Variants in FSIP2 observed in about 807,000 individuals in gnomAD.
FSIP2 encodes fibrous sheath-interacting protein 2.
In FSIP2, 367 loss-of-function variants were observed where a neutral mutation model predicts 510.5. The observed-to-expected ratio is 0.72, with a 90% confidence interval of 0.66 to 0.78. The LOEUF is 0.78. Ranked by LOEUF, FSIP2 falls within the 30% of genes least tolerant of loss-of-function variation. The pLI, the probability that FSIP2 is intolerant of heterozygous loss-of-function variation, is 0.00. For missense variants in FSIP2, 7,594 were observed against 7,901.7 expected (o/e 0.96, Z 1.48); for synonymous variants, 2,601 against 2,732.2 (o/e 0.95, Z 1.50).
At chr2:185,784,527 G>GAAGT (rs1559023094) in intron 14 of FSIP2, among the ~76,000 whole-genome samples, 1 of 152,182 alleles carries the variant, frequency 6.6e-6, no homozygotes, top group Non-Finnish European at 1.5e-5. Context: ...GGATTAGAGA[G>GAAGT]AAGTAGTCAC....
intron 13 of FSIP2, among the ~76,000 whole-genome samples, chr2:185,781,418 T>G (rs1692846595): frequency 6.6e-6 from 1 of 152,222 alleles, no homozygotes; most frequent in Admixed American, 6.5e-5. Context: ...CATTTCCAAC[T>G]TAACATATTT....
intron 17 of FSIP2, among the ~76,000 whole-genome samples, chr2:185,811,542 GTTT>G (rs1274867293): frequency 6.6e-6 from 1 of 150,856 alleles, no homozygotes; most frequent in Non-Finnish European, 1.5e-5. Context: ...TTGTTTGTTT[GTTT>G]TTTGAGAGAA....
intron 19 of FSIP2, among the ~76,000 whole-genome samples, chr2:185,818,819 A>C (rs1054953522): frequency 6.6e-6 from 1 of 152,078 alleles, no homozygotes; most frequent in African/African-American, 2.4e-5. Context: ...AGAAATGCTA[A>C]AGAAAGTTCT....
chr2:185,737,863 G>A (rs1691817200), upstream of FSIP2, among the ~76,000 whole-genome samples: 1 of 152,148 alleles, frequency 6.6e-6, no homozygotes, highest in Admixed American at 6.5e-5. Flanking sequence ...CACTGATTAA[G>A]AAAACAGCCT....
chr2:185,830,436 C>T (rs1694086232), intron 21 of FSIP2, among the ~76,000 whole-genome samples: 1 of 151,814 alleles, frequency 6.6e-6, no homozygotes, highest in Admixed American at 6.6e-5. Flanking sequence ...ACTGTCATCC[C>T]CTGATAGCTG....
At chr2:185,815,524 T>A in intron 19 of FSIP2, 53 bp downstream of exon 19, 1 of 855,002 alleles carries the variant, frequency 1.2e-6, no homozygotes, top group Non-Finnish European at 1.8e-6. Flanking sequence ...GTAGAGCTTA[T>A]GAGTAGAATG....
chr2:185,786,289 G>T lies in FSIP2; in HGVS notation c.1506+1G>T. On this transcript the variant is annotated splice_donor_variant, in intron 15 of 22. Coordinates refer to ENST00000424728, the MANE Select transcript of FSIP2 (RefSeq NM_173651.4). LOFTEE classifies it high-confidence loss of function. ...GCTGCAAAATTGCTTGCAAGAAAAA[G>T]TATGTATCATAAAATCCACCGAGAA... 1 of 1,512,410 alleles carries T rather than the reference G, an allele frequency of 6.6e-7. No homozygotes were observed. Among genetic ancestry groups the T allele is most frequent in the Non-Finnish European group, 8.8e-7 (1 of 1,131,112 alleles). 93.7% of individuals were successfully genotyped at this position (1,512,410 alleles called of 1,614,324 possible).
intron 7 of FSIP2, among the ~76,000 whole-genome samples, chr2:185,750,197 T>C (rs1439368912): frequency 6.6e-6 from 1 of 151,694 alleles, no homozygotes; most frequent in Admixed American, 6.6e-5. Flanking sequence ...TATTCCATCT[T>C]CAGATTTTTG....
chr2:185,764,691 C>A lies in FSIP2; in HGVS notation c.1411+126C>A, dbSNP rs999526514. 14 of 669,140 alleles carry A rather than the reference C, an allele frequency of 2.1e-5. No homozygotes were observed. The African/African-American group carries it at 2.4e-4, about 11-fold the overall frequency. The allele number at this position is 669,140 out of a possible 1,614,324, so 41.5% of individuals were successfully genotyped here. ...TTTAATCATTCAAGGAAAAATGGCACAATTTTTGCTCAGGGTTCTTACAGT... is the reference window on the plus strand; with the variant it reads ...TTTAATCATTCAAGGAAAAATGGCAAAATTTTTGCTCAGGGTTCTTACAGT... On this transcript the variant is annotated intron_variant, in intron 13 of 22. Coordinates refer to ENST00000424728, the MANE Select transcript of FSIP2 (RefSeq NM_173651.4).
chr2:185,756,167 A>G, intron 8 of FSIP2, 25 bp from the exon 9 acceptor site: 1 of 941,034 alleles, frequency 1.1e-6, no homozygotes, highest in Non-Finnish European at 1.6e-6. Flanking sequence ...AAGTAAAAAT[A>G]AATGTTTTAT....
intron 8 of FSIP2, among the ~76,000 whole-genome samples, chr2:185,755,689 A>G (rs1044251410): frequency 4.0e-5 from 6 of 151,576 alleles, no homozygotes; most frequent in Non-Finnish European, 7.4e-5. Flanking sequence ...TCACTCTTAT[A>G]GTTTACATCT....
rs182158800 is a variant in FSIP2, at chr2:185,741,423, G to A, written c.226-1710G>A. ...AGAAAAGTTACTCTGGCTCAAATGG[G>A]TGGATTTGTTTAAAAGTGTTCTTAG... On this transcript the variant is annotated intron_variant, in intron 2 of 22. Transcript: ENST00000424728. Among the ~76,000 whole-genome samples, 350 of 152,292 alleles carry A rather than the reference G, an allele frequency of 2.3e-3. 5 individuals are homozygous for A. The highest frequency in any genetic ancestry group is 4.3e-4 in the Non-Finnish European group (29 of 68,020).
chr2:185,772,240 A>G (rs1692619257), intron 13 of FSIP2, among the ~76,000 whole-genome samples: 1 of 152,060 alleles, frequency 6.6e-6, no homozygotes, highest in African/African-American at 2.4e-5. Flanking sequence ...AGAGCCCTCA[A>G]ACTTTTCTTA....
intron 19 of FSIP2, 127 bp downstream of exon 19, chr2:185,815,598 T>C (rs1693811277): frequency 2.0e-6 from 1 of 506,026 alleles, no homozygotes; most frequent in East Asian, 3.5e-5. Flanking sequence ...ACTTCTTCCC[T>C]TCAGTGGCAC....
In FSIP2 at chr2:185,800,765, C is replaced by T; in HGVS notation, c.11459C>T (p.Ser3820Leu). The change falls in exon 17 of 23, where the codon TCA (serine) becomes TTA (leucine). Residue 3820 changes from serine to leucine, a missense_variant. Physicochemically the swap from Ser to Leu is moderately radical, Grantham distance 145. Transcript: ENST00000424728. ...GAATGCCTTCAAGTAGATTACATGT[C>T]AGACCTTTTGGAGAATGTGGCAGAA... ...DCECLQVDYM[S>L]DLLENVAEID... The T allele has an allele frequency of 1.3e-6, 2 of 1,533,908 alleles. No individual in the cohort carries two copies. Among genetic ancestry groups the T allele is most frequent in the Non-Finnish European group, 8.7e-7 (1 of 1,145,420 alleles).
chr2:185,772,634 A>G (rs1692627065), intron 13 of FSIP2, among the ~76,000 whole-genome samples: 1 of 152,154 alleles, frequency 6.6e-6, no homozygotes, highest in African/African-American at 2.4e-5. Context: ...ATCTGCACCT[A>G]TGATCCAAAC....
chr2:185,763,688 TC>T (rs1013108671), intron 12 of FSIP2, among the ~76,000 whole-genome samples: 7 of 151,672 alleles, frequency 4.6e-5, no homozygotes, highest in African/African-American at 1.7e-4. Flanking sequence ...CAAACATGTA[TC>T]TTTGGTTTCA....
intron 21 of FSIP2, among the ~76,000 whole-genome samples, chr2:185,829,381 C>CAA (rs1043689867): frequency 1.1e-4 from 17 of 151,918 alleles, no homozygotes; most frequent in Non-Finnish European, 1.5e-4. Flanking sequence ...AATCAAAACT[C>CAA]AAAGAATGGC....
intron 13 of FSIP2, among the ~76,000 whole-genome samples, chr2:185,776,467 C>T (rs66891411): frequency 0.54 from 82,626 of 151,746 alleles, 22,747 homozygotes; most frequent in South Asian, 0.64. Flanking sequence ...TATATTTCTT[C>T]TATTTCTAAT....
Sources: allele counts gnomAD v4.1 joint callset (sites outside exome capture counted in the v4.1 genomes callset), GRCh38; gene constraint gnomAD v4.1.1; transcripts MANE v1.5; gene names NCBI Gene and HGNC (gene_info 2026-07-23, HGNC 2026-07-21).